The following ROBO2 variants were observed in gnomAD, a reference collection of about 807,000 sequenced individuals.
ROBO2 encodes the protein roundabout guidance receptor 2.
A neutral mutation model predicts 160.8 loss-of-function variants in ROBO2; 53 were observed. The ratio of observed to expected loss-of-function variants is 0.33; its 90% CI spans 0.26 to 0.41. The LOEUF (loss-of-function observed/expected upper bound fraction) is 0.41. ROBO2 is among the 10% of genes least tolerant of loss of function. ROBO2 has a pLI of 1.00. For missense variants in ROBO2, 1,577 were observed against 1,722.4 expected (o/e 0.92, Z 1.49); for synonymous variants, 664 against 611.7 (o/e 1.09, Z -1.26).
chr3:77,190,654 T>A (rs962913642), intron 2 of ROBO2, among the ~76,000 whole-genome samples: 2 of 152,026 alleles, frequency 1.3e-5, no homozygotes, highest in Non-Finnish European at 2.9e-5. Context: ...TCTGGACTTT[T>A]ATCTTGGCTA....
At chr3:76,649,668 G>C (rs955293893) in intron 2 of ROBO2, among the ~76,000 whole-genome samples, 3 of 152,188 alleles carry the variant, frequency 2.0e-5, no homozygotes, top group South Asian at 2.1e-4. Flanking sequence ...TAAAATATAA[G>C]TTACTTGAGA....
At position 76,395,839 on chromosome 3, in the gene ROBO2, CA is replaced by C. The variant is rs534471606; in HGVS notation, c.109+458239del. On this transcript the variant is annotated intron_variant, in intron 2 of 26. Transcript: ENST00000487694. Reference sequence around the variant, plus strand: ...ATTATGGCAATAATCAATAGCTTACCAACCAAAAAGAGTCCAGGACCAGATG... The same window carrying C: ...ATTATGGCAATAATCAATAGCTTACCACCAAAAAGAGTCCAGGACCAGATG... Among the ~76,000 whole-genome samples the C allele has an allele frequency of 2.0e-5, 3 of 152,104 alleles. No individual in the cohort carries two copies. The East Asian group carries it at 5.8e-4, about 29-fold the overall frequency.
intron 1 of ROBO2, among the ~76,000 whole-genome samples, chr3:77,084,072 A>G (rs2068989662): frequency 6.6e-6 from 1 of 152,144 alleles, no homozygotes; most frequent in South Asian, 2.1e-4. Flanking sequence ...TGGGTCAGAA[A>G]TTATTAGACA....
At chr3:76,374,981 A>G (rs1576759150) in intron 2 of ROBO2, among the ~76,000 whole-genome samples, 1 of 150,742 alleles carries the variant, frequency 6.6e-6, no homozygotes, top group African/African-American at 2.4e-5. Context: ...ACTGTAGCAT[A>G]AAGTATTATA....
In ROBO2 at chr3:77,607,934, A is replaced by G. The variant is rs1211728971; in HGVS notation, c.3273A>G (p.Ala1091=). The G allele has an allele frequency of 6.2e-7, 1 of 1,613,672 alleles. No individual in the cohort carries two copies. The highest frequency in any genetic ancestry group is 8.5e-7 in the Non-Finnish European group (1 of 1,179,892). Residue 1091 remains alanine, a synonymous_variant, in exon 21 of 26, where the codon GCA becomes GCG. Coordinates refer to ENST00000461745, the Ensembl canonical transcript of ROBO2. ...CTGGCACGGAGCTGGAACACTATGCAGTGGAACAACAAGAAAATGGGTAAA... is the reference window on the plus strand; with the variant it reads ...CTGGCACGGAGCTGGAACACTATGCGGTGGAACAACAAGAAAATGGGTAAA...
intron 2 of ROBO2, among the ~76,000 whole-genome samples, chr3:77,195,047 A>G (rs2082193112): frequency 6.6e-6 from 1 of 152,138 alleles, no homozygotes; most frequent in South Asian, 2.1e-4. Flanking sequence ...CCTTTTATAA[A>G]TCTCAACCCA....
At chr3:77,298,028 T>C (rs2062309150) in intron 2 of ROBO2, among the ~76,000 whole-genome samples, 1 of 152,136 alleles carries the variant, frequency 6.6e-6, no homozygotes, top group Non-Finnish European at 1.5e-5. Context: ...TAGGGCATTG[T>C]GCTTGTGGGT....
chr3:76,276,203 C>T (rs566017074), intron 2 of ROBO2, among the ~76,000 whole-genome samples: 4 of 151,948 alleles, frequency 2.6e-5, no homozygotes, highest in Non-Finnish European at 1.5e-5. Context: ...ATATTCCCAA[C>T]GTGGACTTTC....
chr3:76,042,621 T>A (rs1024270469), intron 2 of ROBO2, among the ~76,000 whole-genome samples: 1 of 151,998 alleles, frequency 6.6e-6, no homozygotes, highest in Admixed American at 6.5e-5. Flanking sequence ...AACAAGGAAG[T>A]GAAATCAAAG....
At chr3:77,177,288 G>T (rs1259040440) in intron 2 of ROBO2, among the ~76,000 whole-genome samples, 2 of 151,896 alleles carry the variant, frequency 1.3e-5, no homozygotes, top group East Asian at 3.9e-4. Flanking sequence ...CAATGGTTCT[G>T]AGAGCCTCTC....
intron 2 of ROBO2, among the ~76,000 whole-genome samples, chr3:76,021,924 T>C (rs914586737): frequency 6.6e-6 from 1 of 151,628 alleles, no homozygotes; most frequent in Non-Finnish European, 1.5e-5. Flanking sequence ...TTTTTTTTTT[T>C]TTTTGGTAGC....
intron 6 of ROBO2, among the ~76,000 whole-genome samples, chr3:77,537,639 A>G (rs2092209125): frequency 6.6e-6 from 1 of 152,172 alleles, no homozygotes; most frequent in South Asian, 2.1e-4. Flanking sequence ...AAAAGGTATT[A>G]TTGTATTAGT....
intron 2 of ROBO2, among the ~76,000 whole-genome samples, chr3:76,344,247 A>T (rs2074393395): frequency 6.6e-6 from 1 of 152,148 alleles, no homozygotes; most frequent in African/African-American, 2.4e-5. Context: ...TTGCTATTCA[A>T]GGGTATTTAC....
chr3:77,490,662 A>G (rs1035217805), intron 4 of ROBO2, among the ~76,000 whole-genome samples: 4 of 152,104 alleles, frequency 2.6e-5, no homozygotes, highest in Non-Finnish European at 5.9e-5. Flanking sequence ...TACCATTTCT[A>G]TGATGAAAGG....
chr3:76,200,204 C>T (rs1000307768), intron 2 of ROBO2, among the ~76,000 whole-genome samples: 1 of 152,164 alleles, frequency 6.6e-6, no homozygotes, highest in Non-Finnish European at 1.5e-5. Context: ...TAAATGCAAT[C>T]TTAGGCTAAA....
rs372155588 is a variant in ROBO2, at chr3:76,279,212, A to G, written c.109+341610A>G. ...CATTGCAAGCTCACTTTTTTTGGGGAAATTTCCTGAAAGTCCCTATGTAAT... is the reference window on the plus strand; with the variant it reads ...CATTGCAAGCTCACTTTTTTTGGGGGAATTTCCTGAAAGTCCCTATGTAAT... On this transcript the variant is annotated intron_variant, in intron 2 of 26. Coordinates refer to the ROBO2 transcript ENST00000487694. 2.4e-4 allele frequency among the ~76,000 whole-genome samples: 37 copies of G among 151,626 alleles called. 1 individual carries two copies. The South Asian group carries it at 7.5e-3, about 31-fold the overall frequency.
At chr3:76,639,356 G>T (rs1043878888) in intron 2 of ROBO2, among the ~76,000 whole-genome samples, 1 of 151,072 alleles carries the variant, frequency 6.6e-6, no homozygotes, top group Non-Finnish European at 1.5e-5. Context: ...ATATGTACAT[G>T]CATATATACC....
chr3:76,748,688 A>G (rs556190455), intron 2 of ROBO2, among the ~76,000 whole-genome samples: 5 of 152,004 alleles, frequency 3.3e-5, no homozygotes, highest in Middle Eastern at 6.8e-3. Flanking sequence ...GTTTTTAGGT[A>G]AATCACCCAG....
intron 2 of ROBO2, among the ~76,000 whole-genome samples, chr3:76,506,294 T>C (rs1256095418): frequency 6.6e-6 from 1 of 152,168 alleles, no homozygotes; most frequent in Non-Finnish European, 1.5e-5. Context: ...GCAGTAAAAG[T>C]GTCCTGTGAG....
Sources: allele counts gnomAD v4.1 joint callset (sites outside exome capture counted in the v4.1 genomes callset), GRCh38; gene constraint gnomAD v4.1.1; transcripts MANE v1.5; gene names NCBI Gene and HGNC (gene_info 2026-07-23, HGNC 2026-07-21).